RBFOX3: variants seen among roughly 807,000 people sequenced by gnomAD.
RBFOX3 encodes RNA binding protein fox-1 homolog 3.
RBFOX3 carries 17 observed loss-of-function variants against 48.7 expected under a neutral mutation model. The ratio of observed to expected loss-of-function variants is 0.35; its 90% confidence interval spans 0.24 to 0.52. The LOEUF (loss-of-function observed/expected upper bound fraction) is 0.52, where lower values mean the gene tolerates loss of function less well. Ranked by LOEUF, RBFOX3 falls within the 20% of genes least tolerant of loss-of-function variation. The probability of loss-of-function intolerance (pLI) is 0.94; values close to 1 mark genes in which losing one functional copy is unlikely to be tolerated. For synonymous variants in RBFOX3, 212 were observed against 209.5 expected (o/e 1.01, Z -0.10); for missense variants, 382 against 497.5 (o/e 0.77, Z 2.21).
In RBFOX3 at chr17:79,189,578, G is replaced by A. The variant is rs912471195; in HGVS notation, c.-34+46188C>T. Reference sequence around the variant, plus strand: ...GAATTTCCTCTTTCTCATTAGGCAGGAGGTCGCGAGGACTCAGTGGGTTGC... The same window carrying A: ...GAATTTCCTCTTTCTCATTAGGCAGAAGGTCGCGAGGACTCAGTGGGTTGC... On this transcript the variant is annotated intron_variant, in intron 4 of 14. Transcript: ENST00000693108. 6.6e-5 allele frequency among the ~76,000 whole-genome samples: 10 copies of A among 152,336 alleles called. No homozygotes were observed. In the South Asian group the frequency reaches 1.5e-3, roughly 22 times the overall value.
At chr17:79,523,158 T>C (rs1183505373) in intron 1 of RBFOX3, among the ~76,000 whole-genome samples, 1 of 151,652 alleles carries the variant, frequency 6.6e-6, no homozygotes, top group Non-Finnish European at 1.5e-5. Flanking sequence ...TGGGAGAATG[T>C]GGAATTGTTT....
At chr17:79,167,331 T>A (rs2048218326) in intron 4 of RBFOX3, among the ~76,000 whole-genome samples, 1 of 151,892 alleles carries the variant, frequency 6.6e-6, no homozygotes, top group Admixed American at 6.6e-5. Flanking sequence ...CTTCTTCCCC[T>A]CCCTCTGGGG....
chr17:79,583,602 G>T (rs1029791870), intron 1 of RBFOX3, among the ~76,000 whole-genome samples: 22 of 152,210 alleles, frequency 1.4e-4, no homozygotes, highest in Admixed American at 4.6e-4. Context: ...AGGGGAGAGG[G>T]AGAGGAGGCA....
the RBFOX3 span, among the ~76,000 whole-genome samples, chr17:79,653,824 C>T: frequency 7.0e-6 from 1 of 142,234 alleles, no homozygotes; most frequent in Non-Finnish European, 1.5e-5. Flanking sequence ...GGAAGTCTTG[C>T]TTGAGACCAG....
intron 3 of RBFOX3, among the ~76,000 whole-genome samples, chr17:79,263,856 AT>A (rs1252433922): frequency 3.3e-5 from 5 of 152,272 alleles, no homozygotes; most frequent in African/African-American, 1.2e-4. Context: ...ATCTTTGCAG[AT>A]ATGACTAAAT....
At position 79,097,744 on chromosome 17, in the gene RBFOX3, G is replaced by A. The variant is rs1437023674; in HGVS notation, c.570C>T (p.Gly190=). Residue 190 remains glycine, a splice_region_variant and synonymous_variant, in exon 10 of 15, where the codon GGC becomes GGT. Coordinates refer to ENST00000693108, the MANE Select transcript of RBFOX3 (RefSeq NM_001350451.2). Reference sequence around the variant, plus strand: ...CGCCGACCACTGGATTTAGCTTCCAGCCTAAAACAAAGGCACAGAGACCTA... The same window carrying A: ...CGCCGACCACTGGATTTAGCTTCCAACCTAAAACAAAGGCACAGAGACCTA... ...NKKTGNPYTN[G]WKLNPVVGAV... is the part of the protein sequence containing the mutation. 6.4e-7 allele frequency: 1 copy of A among 1,550,408 alleles called. No homozygotes were observed. Among genetic ancestry groups the A allele is most frequent in the African/African-American group, 1.4e-5 (1 of 72,874 alleles).
At position 79,361,003 on chromosome 17, in the gene RBFOX3, C is replaced by T. The variant is rs114009156; in HGVS notation, c.-174-53179G>A. 1.4e-3 allele frequency among the ~76,000 whole-genome samples: 215 copies of T among 152,104 alleles called. No homozygotes were observed. Among genetic ancestry groups the T allele is most frequent in the African/African-American group, 5.0e-3 (208 of 41,464 alleles). ...TGTCCGGGTTATTTCTGCTGAATGC[C>T]GCACCGTGCCTGGGAAGAACATCAG... On this transcript the variant is annotated intron_variant, in intron 2 of 14. Transcript: ENST00000693108. The surrounding 1 kb of genome is among the most constrained non-coding windows in gnomAD (Gnocchi z 4.5).
At chr17:79,639,203 C>A in the RBFOX3 span, among the ~76,000 whole-genome samples, 2 of 151,664 alleles carry the variant, frequency 1.3e-5, no homozygotes, top group South Asian at 4.2e-4. Context: ...GAGACAGAGT[C>A]TCACTCTGTC....
chr17:79,116,780 C>T (rs929554919), intron 4 of RBFOX3, among the ~76,000 whole-genome samples: 2 of 152,274 alleles, frequency 1.3e-5, no homozygotes, highest in African/African-American at 2.4e-5. Flanking sequence ...GAATACTGCT[C>T]CTGCAGCCAC....
chr17:79,447,952 G>C (rs1476193538), intron 2 of RBFOX3, among the ~76,000 whole-genome samples: 4 of 152,110 alleles, frequency 2.6e-5, no homozygotes, highest in African/African-American at 9.7e-5. Flanking sequence ...GTTTACACAA[G>C]ACCCAGTTCG....
intron 1 of RBFOX3, among the ~76,000 whole-genome samples, chr17:79,609,899 G>C (rs1676413143): frequency 6.6e-6 from 1 of 151,718 alleles, no homozygotes; most frequent in Admixed American, 6.6e-5. Context: ...AGCCCAACAC[G>C]CCCCGGGCGA....
At chr17:79,367,193 C>A (rs780715533) in intron 2 of RBFOX3, among the ~76,000 whole-genome samples, 1 of 151,924 alleles carries the variant, frequency 6.6e-6, no homozygotes, top group Admixed American at 6.6e-5. Context: ...TCCTTCTTCT[C>A]TTCCTTCTCC....
chr17:79,164,222 C>A (rs112637527), intron 4 of RBFOX3, among the ~76,000 whole-genome samples: 2 of 152,180 alleles, frequency 1.3e-5, no homozygotes, highest in Non-Finnish European at 2.9e-5. Context: ...CTGGCAGGGG[C>A]GGTGGCGGTA....
intron 2 of RBFOX3, among the ~76,000 whole-genome samples, chr17:79,399,871 CT>C (rs1175363813): frequency 6.6e-6 from 1 of 152,222 alleles, no homozygotes; most frequent in African/African-American, 2.4e-5. Context: ...GAACGTTGTC[CT>C]TAACTGGCTA....
chr17:79,357,722 G>A (rs72849670), intron 2 of RBFOX3, among the ~76,000 whole-genome samples: 17,586 of 129,964 alleles, frequency 0.14, 1,104 homozygotes, highest in East Asian at 0.23. Context: ...GCAGGGGGGC[G>A]GTATAGGGGG....
intron 2 of RBFOX3, among the ~76,000 whole-genome samples, chr17:79,369,419 G>A (rs560932387): frequency 4.6e-5 from 7 of 152,182 alleles, no homozygotes; most frequent in South Asian, 4.1e-4. Context: ...AAGGACACGC[G>A]TTTCGGAGGG....
chr17:79,293,960 C>T (rs1315463576), intron 3 of RBFOX3, among the ~76,000 whole-genome samples: 2 of 152,162 alleles, frequency 1.3e-5, no homozygotes, highest in African/African-American at 4.8e-5. Flanking sequence ...GAAAGAGCCT[C>T]GGCCAGCATG....
rs2088625442 is a variant in RBFOX3, at chr17:79,535,800, AG to A, written c.-319-53203del. On this transcript the variant is annotated intron_variant, in intron 1 of 14. Coordinates refer to ENST00000693108, the MANE Select transcript of RBFOX3 (RefSeq NM_001350451.2). This position sits in a 1 kb window ranked among gnomAD's most constrained non-coding sequence, Gnocchi z 4.5. Reference sequence around the variant, plus strand: ...GGGCCACCAGCTGCCACTTACTCCAAGGAACAGGGTGGGAAGAGTCCACACG... The same window carrying A: ...GGGCCACCAGCTGCCACTTACTCCAAGAACAGGGTGGGAAGAGTCCACACG... Among the ~76,000 whole-genome samples the A allele has an allele frequency of 6.6e-6, 1 of 152,152 alleles. No individual in the cohort carries two copies. Among genetic ancestry groups the A allele is most frequent in the Non-Finnish European group, 1.5e-5 (1 of 68,008 alleles).
At chr17:79,555,479 T>C (rs2091608497) in intron 1 of RBFOX3, among the ~76,000 whole-genome samples, 1 of 145,160 alleles carries the variant, frequency 6.9e-6, no homozygotes, top group African/African-American at 2.8e-5. Flanking sequence ...ACAATGATAA[T>C]GGTGGTGATG....
Sources: allele counts gnomAD v4.1 joint callset (sites outside exome capture counted in the v4.1 genomes callset), GRCh38; gene constraint gnomAD v4.1.1; non-coding constraint Gnocchi (gnomAD v3.1); transcripts MANE v1.5; gene names NCBI Gene and HGNC (gene_info 2026-07-23, HGNC 2026-07-21).